Variants in RND1 observed in about 807,000 individuals in gnomAD.
RND1 encodes rho-related GTP-binding protein Rho6.
RND1 carries 9 observed loss-of-function variants against 27.1 expected under a neutral mutation model. That is an observed-to-expected ratio of 0.33 (90% CI 0.20 to 0.58). The LOEUF (loss-of-function observed/expected upper bound fraction) is 0.58. Among genes scored for constraint, RND1 ranks in the 20% least tolerant of loss-of-function variants. The pLI is 0.86. For synonymous variants in RND1, 108 were observed against 115.7 expected (o/e 0.93, Z 0.43); for missense variants, 253 against 292.2 (o/e 0.87, Z 0.98).
intron 4 of RND1, among the ~76,000 whole-genome samples, chr12:48,860,387 T>G (rs1314370097): frequency 6.6e-6 from 1 of 151,564 alleles, no homozygotes; most frequent in Admixed American, 6.6e-5. Context: ...CCAGTGCCCC[T>G]CCTCCTTTTC....
chr12:48,860,078 T>A (rs77172008), intron 4 of RND1, among the ~76,000 whole-genome samples: 49 of 29,148 alleles, frequency 1.7e-3, no homozygotes, highest in Middle Eastern at 0.021. Flanking sequence ...ACACCTGGCC[T>A]TTTTTTTTTT....
intron 2 of RND1, among the ~76,000 whole-genome samples, chr12:48,864,210 G>A (rs1052773900): frequency 1.3e-5 from 2 of 152,122 alleles, no homozygotes; most frequent in Admixed American, 6.6e-5. Context: ...GCGGTGTGAC[G>A]AGTGGGGCTG....
chr12:48,858,245 C>T lies in RND1; in HGVS notation c.454-4G>A. The T allele has an allele frequency of 1.2e-6, 2 of 1,613,490 alleles. No individual in the cohort carries two copies. Among genetic ancestry groups the T allele is most frequent in the South Asian group, 1.1e-5 (1 of 91,018 alleles). ...GCTGCTTTGCTATTGCACAACCCTGCAGGAGGGGGTGAGGGCATTAATGCA... is the reference window on the plus strand; with the variant it reads ...GCTGCTTTGCTATTGCACAACCCTGTAGGAGGGGGTGAGGGCATTAATGCA... On this transcript the variant is annotated splice_polypyrimidine_tract_variant and splice_region_variant and intron_variant, in intron 4 of 4. Transcript: ENST00000309739.
At position 48,858,183 on chromosome 12, in the gene RND1, G is replaced by T; in HGVS notation, c.512C>A (p.Thr171Asn). The change falls in exon 5 of 5, where the codon ACC becomes AAC. Residue 171 changes from threonine (T) to asparagine (N), a missense_variant. Coordinates refer to ENST00000309739, the MANE Select transcript of RND1 (RefSeq NM_014470.4). ...AEIYLEGSAF[T>N]SEKSIHSIFR... is the part of the protein sequence containing the mutation. The stretch of plus-strand genomic sequence containing the variant: ...GATGCTGTGGATGCTCTTTTCTGAG[G>T]TGAAAGCTGAGCCTTCCAGGTAGAT... 1 of 1,614,170 alleles carries T rather than the reference G, an allele frequency of 6.2e-7. No homozygotes were observed. The highest frequency in any genetic ancestry group is 1.1e-5 in the South Asian group (1 of 91,078).
chr12:48,862,072 C>T lies in RND1; in HGVS notation c.255G>A (p.Ser85=), dbSNP rs542148646. 1.9e-5 allele frequency: 31 copies of T among 1,613,680 alleles called. No individual in the cohort carries two copies. Among genetic ancestry groups the T allele is most frequent in the East Asian group, 8.9e-5 (4 of 44,882 alleles). ...DNVRPLCYSD[S]DAVLLCFDIS... Reference sequence around the variant, plus strand: ...TGTCAAAACATAGTAATACTGCATCCGAGTCGCTGTAGCAGAGTGGACGGA... The same window carrying T: ...TGTCAAAACATAGTAATACTGCATCTGAGTCGCTGTAGCAGAGTGGACGGA... The change falls in exon 3 of 5, where the codon TCG becomes TCA. Residue 85 remains serine, a synonymous_variant. Transcript: ENST00000309739.
At chr12:48,864,416 T>TGTGTGTGTGTGTGCGTGCGCGC (rs141121524) in intron 2 of RND1, among the ~76,000 whole-genome samples, 1 of 135,460 alleles carries the variant, frequency 7.4e-6, no homozygotes, top group African/African-American at 2.7e-5. Context: ...TGTGTGTGTG[T>TGTGTGTGTGTGTGCGTGCGCGC]GCGCGCGCGC....
At chr12:48,858,368 C>A in intron 4 of RND1, 127 bp from the exon 5 acceptor site, 2 of 913,820 alleles carry the variant, frequency 2.2e-6, no homozygotes, top group African/African-American at 1.7e-5. Flanking sequence ...CCACCCTCTG[C>A]AGATTATTCG....
In RND1 at chr12:48,865,857, G is replaced by C. The variant is rs1433575978; in HGVS notation, c.-90C>G. On this transcript the variant is annotated 5_prime_UTR_variant, in exon 1 of 5. Transcript: ENST00000309739. ...GCACGCCAATCAAGCCAGATTCCCTGCCTCCCTCCAACTGAGGAGGAGGCC... is the reference window on the plus strand; with the variant it reads ...GCACGCCAATCAAGCCAGATTCCCTCCCTCCCTCCAACTGAGGAGGAGGCC... 8.7e-6 allele frequency: 13 copies of C among 1,499,672 alleles called. No homozygotes were observed. Among genetic ancestry groups the C allele is most frequent in the Non-Finnish European group, 1.2e-5 (13 of 1,124,228 alleles). 92.9% of individuals were successfully genotyped at this position (1,499,672 alleles called of 1,614,324 possible).
intron 4 of RND1, 32 bp from the exon 5 acceptor site, chr12:48,858,273 G>C (rs1592209274): frequency 6.2e-7 from 1 of 1,603,326 alleles, no homozygotes; most frequent in East Asian, 2.2e-5. Context: ...TTAATGCAGT[G>C]GGCCAAAATG....
At position 48,858,112 on chromosome 12, in the gene RND1, G is replaced by A. The variant is rs112776514; in HGVS notation, c.583C>T (p.Pro195Ser). Reference protein sequence around the residue: ...MLCLNKPSPLPQKSPVRSLSK... With the variant: ...MLCLNKPSPLSQKSPVRSLSK... ...AGGCTTCGGACAGGGCTCTTCTGGG[G>A]CAGTGGGCTAGGCTTGTTCAGACAC... The change falls in exon 5 of 5, where the codon CCC becomes TCC. Residue 195 changes from proline to serine, a missense_variant. Coordinates refer to ENST00000309739, the MANE Select transcript of RND1 (RefSeq NM_014470.4). 6 of 1,614,104 alleles carry A rather than the reference G, an allele frequency of 3.7e-6. No individual in the cohort carries two copies. Among genetic ancestry groups the A allele is most frequent in the Non-Finnish European group, 5.1e-6 (6 of 1,180,056 alleles).
rs768402074 is a variant in RND1 at position 48,860,963 on chromosome 12, C to T, written c.453+34G>A. The T allele has an allele frequency of 3.1e-6, 5 of 1,612,038 alleles. No homozygotes were observed. The South Asian group carries it at 4.4e-5, about 14-fold the overall frequency. On this transcript the variant is annotated intron_variant, in intron 4 of 4. Transcript: ENST00000309739. ...CTGTCTGCCTCTAGCCTTCCTCACTCCACCCCACGACATGCACTTGCATGC... is the reference window on the plus strand; with the variant it reads ...CTGTCTGCCTCTAGCCTTCCTCACTTCACCCCACGACATGCACTTGCATGC...
At chr12:48,865,236 G>A (rs900232029) in intron 1 of RND1, 19 of 378,098 alleles carry the variant, frequency 5.0e-5, no homozygotes, top group Non-Finnish European at 9.5e-5. Flanking sequence ...CCGGCCAGGT[G>A]AACAGAGGGG....
intron 2 of RND1, 190 bp from the exon 3 acceptor site, chr12:48,862,308 C>T (rs1467280194): frequency 1.9e-6 from 1 of 528,840 alleles, no homozygotes; most frequent in East Asian, 3.3e-5. Context: ...TATCATCCCC[C>T]TTAGTCCAGA....
Position 48,858,035 on chromosome 12 carries a change from G to A in RND1, c.660C>T (p.Thr220=). ...AGCTTTTGGCCTTTTCCTTCTTGAA[G>A]GTAGAAGAGATGAGTTCAGAGCGAC... ...LPSRSELISS[T]FKKEKAKSCS... is the part of the protein sequence containing the mutation. The change falls in exon 5 of 5, where the codon ACC becomes ACT. Residue 220 remains threonine (T), a synonymous_variant. Transcript: ENST00000309739. 1.2e-6 allele frequency: 2 copies of A among 1,612,626 alleles called. No homozygotes were observed. Among genetic ancestry groups the A allele is most frequent in the Non-Finnish European group, 1.7e-6 (2 of 1,179,306 alleles).
chr12:48,858,022 T>G lies in RND1; in HGVS notation c.673A>C (p.Lys225Gln). Residue 225 changes from lysine (K) to glutamine (Q), a missense_variant, in exon 5 of 5, where the codon AAG becomes CAG. Transcript: ENST00000309739. Reference protein sequence around the residue: ...ELISSTFKKEKAKSCSIM With the variant: ...ELISSTFKKEQAKSCSIM ...CACATAATGGAACAGCTTTTGGCCT[T>G]TTCCTTCTTGAAGGTAGAAGAGATG... The G allele has an allele frequency of 6.2e-7, 1 of 1,608,914 alleles. No individual in the cohort carries two copies. The highest frequency in any genetic ancestry group is 8.5e-7 in the Non-Finnish European group (1 of 1,177,384).
chr12:48,865,007 G>A (rs1202973385), intron 1 of RND1, 137 bp from the exon 2 acceptor site: 25 of 724,828 alleles, frequency 3.4e-5, no homozygotes, highest in Non-Finnish European at 6.3e-5. Flanking sequence ...CCTGGGGCAG[G>A]AGGGAAGGGA....
chr12:48,858,995 G>A (rs957288027), intron 4 of RND1: 8 of 130,066 alleles, frequency 6.2e-5, no homozygotes, highest in African/African-American at 2.0e-4. Flanking sequence ...GTCTCGCTCT[G>A]TTGCCCAGGC....
chr12:48,865,738 G>A lies in RND1; in HGVS notation c.30C>T (p.Val10=), dbSNP rs147632427. 311 of 1,608,690 alleles carry A rather than the reference G, an allele frequency of 1.9e-4. 1 individual carries two copies. The African/African-American group carries it at 3.5e-3, about 18-fold the overall frequency. The change falls in exon 1 of 5, where the codon GTC becomes GTT. Residue 10 remains valine, a synonymous_variant. Coordinates refer to ENST00000309739, the MANE Select transcript of RND1 (RefSeq NM_014470.4). ...CCAGAACGAGCTTACATCTGGCCAC[G>A]ACTGGCTGGGGGGCCCGTCTCTCCT... MKERRAPQP[V]VARCKLVLVG...
At chr12:48,858,821 C>T (rs1436559223) in intron 4 of RND1, 5 of 142,576 alleles carry the variant, frequency 3.5e-5, no homozygotes, top group African/African-American at 7.9e-5. Flanking sequence ...CTGTAGTGAG[C>T]TAGGATCACA....
Sources: allele counts gnomAD v4.1 joint callset (sites outside exome capture counted in the v4.1 genomes callset), GRCh38; gene constraint gnomAD v4.1.1; transcripts MANE v1.5; gene names NCBI Gene and HGNC (gene_info 2026-07-23, HGNC 2026-07-21).